MLLT3: variants seen among roughly 807,000 people sequenced by gnomAD.
The protein encoded by MLLT3 is protein AF-9.
A neutral mutation model predicts 53.2 loss-of-function variants in MLLT3; 4 were observed. The ratio of observed to expected loss-of-function variants is 0.08; its 90% CI spans 0.04 to 0.17. The LOEUF is 0.17. Among genes scored for constraint, MLLT3 ranks in the 10% least tolerant of loss-of-function variants. The probability of loss-of-function intolerance (pLI) is 1.00; values close to 1 mark genes in which losing one functional copy is unlikely to be tolerated. For synonymous variants in MLLT3, 283 were observed against 230.6 expected (o/e 1.23, Z -2.06); for missense variants, 569 against 684.0 (o/e 0.83, Z 1.87).
chr9:20,573,314 G>T (rs1037443580), intron 2 of MLLT3, among the ~76,000 whole-genome samples: 3 of 151,890 alleles, frequency 2.0e-5, no homozygotes, highest in African/African-American at 7.3e-5. Flanking sequence ...CAAATAGCTG[G>T]AACTATAGGC....
intron 4 of MLLT3, among the ~76,000 whole-genome samples, chr9:20,439,870 T>C (rs1229963644): frequency 6.6e-6 from 1 of 152,174 alleles, no homozygotes; most frequent in African/African-American, 2.4e-5. Context: ...TTTCTAGATG[T>C]CCACACTTTC....
intron 2 of MLLT3, among the ~76,000 whole-genome samples, chr9:20,534,280 A>G (rs1302789274): frequency 2.0e-5 from 3 of 152,246 alleles, no homozygotes; most frequent in African/African-American, 4.8e-5. Context: ...ATGAACAGCA[A>G]TGGCAACGAT....
chr9:20,482,432 C>T (rs1824686682), intron 2 of MLLT3, among the ~76,000 whole-genome samples: 1 of 152,170 alleles, frequency 6.6e-6, no homozygotes, highest in South Asian at 2.1e-4. Context: ...CTCTTGTCTA[C>T]AAAATCAATT....
intron 2 of MLLT3, among the ~76,000 whole-genome samples, chr9:20,547,174 G>T (rs1435737207): frequency 1.3e-5 from 2 of 151,950 alleles, no homozygotes; most frequent in African/African-American, 4.8e-5. Context: ...TAAAAATTGA[G>T]ATATGTTATA....
In MLLT3 at chr9:20,413,710, G is replaced by T; in HGVS notation, c.1125+11C>A. The stretch of plus-strand genomic sequence containing the variant: ...TAAGGGAAAGGAAGAAAGCCAGTAA[G>T]AACTACTCACATCAGATTTAGAGGA... On this transcript the variant is annotated intron_variant, in intron 5 of 10. Transcript: ENST00000380338. 1.3e-6 allele frequency: 2 copies of T among 1,560,066 alleles called. No individual in the cohort carries two copies. The highest frequency in any genetic ancestry group is 1.7e-6 in the Non-Finnish European group (2 of 1,157,732).
intron 8 of MLLT3, among the ~76,000 whole-genome samples, chr9:20,355,451 G>C (rs1002826652): frequency 6.6e-6 from 1 of 152,146 alleles, no homozygotes; most frequent in South Asian, 2.1e-4. Flanking sequence ...TTGGTAAAAC[G>C]CCAAGTGCTT....
chr9:20,376,315 CTT>C (rs1821764066), intron 5 of MLLT3, among the ~76,000 whole-genome samples: 1 of 152,102 alleles, frequency 6.6e-6, no homozygotes, highest in Non-Finnish European at 1.5e-5. Context: ...TATTTAGCCT[CTT>C]GAGTTCTTAT....
chr9:20,567,159 G>T (rs1819396767), intron 2 of MLLT3, among the ~76,000 whole-genome samples: 1 of 139,444 alleles, frequency 7.2e-6, no homozygotes, highest in African/African-American at 2.7e-5. Context: ...AAGCACAAGA[G>T]GAAATGTTAT....
chr9:20,479,674 T>A (rs982926214), intron 2 of MLLT3, among the ~76,000 whole-genome samples: 1 of 152,204 alleles, frequency 6.6e-6, no homozygotes, highest in East Asian at 1.9e-4. Flanking sequence ...ACATGAGTGA[T>A]AGTATCTGTC....
Position 20,491,824 on chromosome 9 carries a change from G to C in MLLT3, c.194-35038C>G, listed in dbSNP as rs538441019. Reference sequence around the variant, plus strand: ...GTTTTCTTGTGTGACTTTTCACCATGAATTGTTGACTTTCAGAGCATAGTA... The same window carrying C: ...GTTTTCTTGTGTGACTTTTCACCATCAATTGTTGACTTTCAGAGCATAGTA... On this transcript the variant is annotated intron_variant, in intron 2 of 10. Coordinates refer to ENST00000380338, the MANE Select transcript of MLLT3 (RefSeq NM_004529.4). Among the ~76,000 whole-genome samples the C allele has an allele frequency of 4.6e-5, 7 of 152,218 alleles. No homozygotes were observed. In the East Asian group the frequency reaches 1.3e-3, roughly 29 times the overall value.
intron 2 of MLLT3, among the ~76,000 whole-genome samples, chr9:20,474,617 C>T (rs572042303): frequency 9.2e-5 from 14 of 151,992 alleles, no homozygotes; most frequent in African/African-American, 3.4e-4. Context: ...TTCCCACATA[C>T]AGCCCCCTCT....
chr9:20,403,113 C>T (rs1156268793), intron 5 of MLLT3, among the ~76,000 whole-genome samples: 4 of 148,646 alleles, frequency 2.7e-5, no homozygotes, highest in African/African-American at 1.0e-4. Context: ...CGAGGGCCCC[C>T]TTTTAAAAAA....
At chr9:20,607,211 G>C (rs551858544) in intron 2 of MLLT3, among the ~76,000 whole-genome samples, 212 of 152,010 alleles carry the variant, frequency 1.4e-3, no homozygotes, top group African/African-American at 5.0e-3. Flanking sequence ...TTGGTGTCTG[G>C]GGTATTTGGT....
At chr9:20,547,235 T>A (rs1373689999) in intron 2 of MLLT3, among the ~76,000 whole-genome samples, 1 of 152,098 alleles carries the variant, frequency 6.6e-6, no homozygotes, top group Non-Finnish European at 1.5e-5. Flanking sequence ...GGTCTTACCA[T>A]GTTGCCCAGG....
At chr9:20,531,183 T>C (rs1430253090) in intron 2 of MLLT3, among the ~76,000 whole-genome samples, 1 of 148,726 alleles carries the variant, frequency 6.7e-6, no homozygotes, top group African/African-American at 2.5e-5. Flanking sequence ...TCACCCAGGC[T>C]GGAGTGTAAT....
At chr9:20,464,576 CTT>C (rs1223120041) in intron 2 of MLLT3, among the ~76,000 whole-genome samples, 1 of 151,994 alleles carries the variant, frequency 6.6e-6, no homozygotes, top group Non-Finnish European at 1.5e-5. Flanking sequence ...ATAAAACAGA[CTT>C]AAAGAATAGG....
chr9:20,567,304 TA>T (rs35505450), intron 2 of MLLT3, among the ~76,000 whole-genome samples: 32,079 of 80,370 alleles, frequency 0.4, 3,881 homozygotes, highest in East Asian at 0.5. Context: ...CTATATTCAG[TA>T]AAAAAAAAAA....
chr9:20,459,095 G>A (rs539090461), intron 2 of MLLT3, among the ~76,000 whole-genome samples: 2 of 152,126 alleles, frequency 1.3e-5, no homozygotes, highest in African/African-American at 2.4e-5. Flanking sequence ...GAGACTATAT[G>A]TAAGGAAACA....
chr9:20,466,639 C>A (rs1824244767), intron 2 of MLLT3, among the ~76,000 whole-genome samples: 1 of 152,186 alleles, frequency 6.6e-6, no homozygotes, highest in African/African-American at 2.4e-5. Context: ...TTATTCAACT[C>A]TGCAGGTCAA....
Sources: gnomAD v4.1 joint callset for allele counts (sites outside exome capture counted in the v4.1 genomes callset) on GRCh38, gnomAD v4.1.1 for gene constraint, MANE v1.5 for transcripts, NCBI Gene and HGNC (gene_info 2026-07-23, HGNC 2026-07-21) for gene names.